Variants in CDH12 observed in about 807,000 individuals in gnomAD.
CDH12 encodes the protein cadherin-12.
In CDH12, 41 loss-of-function variants were observed where a neutral mutation model predicts 74.1. That is an observed-to-expected ratio of 0.55 (90% confidence interval 0.43 to 0.72). The LOEUF (loss-of-function observed/expected upper bound fraction) is 0.72, where lower values mean the gene tolerates loss of function less well. Ranked by LOEUF, CDH12 falls within the 30% of genes least tolerant of loss-of-function variation. The probability of loss-of-function intolerance (pLI) is 0.00; values close to 1 mark genes in which losing one functional copy is unlikely to be tolerated. For missense variants in CDH12, 945 were observed against 977.2 expected (o/e 0.97, Z 0.44); for synonymous variants, 399 against 355.0 (o/e 1.12, Z -1.39).
At chr5:21,802,575 G>A (rs755106196) in intron 9 of CDH12, among the ~76,000 whole-genome samples, 155 bp from the exon 10 acceptor site, 16 of 148,308 alleles carry the variant, frequency 1.1e-4, no homozygotes, top group Non-Finnish European at 2.4e-4. Flanking sequence ...GGCAGCACAA[G>A]GCAAACCATT....
At chr5:21,766,795 T>C (rs1227842581) in intron 11 of CDH12, among the ~76,000 whole-genome samples, 1 of 151,954 alleles carries the variant, frequency 6.6e-6, no homozygotes, top group African/African-American at 2.4e-5. Flanking sequence ...GCTTGCAATG[T>C]ACAAATATTC....
chr5:22,267,759 A>G (rs1248917031), intron 3 of CDH12, among the ~76,000 whole-genome samples: 1 of 152,098 alleles, frequency 6.6e-6, no homozygotes, highest in Non-Finnish European at 1.5e-5. Flanking sequence ...GGTAGTAAGA[A>G]GTGAAGGCTT....
chr5:22,684,796 C>T (rs1741675029), intron 1 of CDH12, among the ~76,000 whole-genome samples: 1 of 152,170 alleles, frequency 6.6e-6, no homozygotes, highest in Non-Finnish European at 1.5e-5. Flanking sequence ...TGTGCATATA[C>T]ACACAGATCA....
chr5:22,219,153 C>T (rs777725583), intron 3 of CDH12, among the ~76,000 whole-genome samples: 2 of 151,696 alleles, frequency 1.3e-5, no homozygotes, highest in Admixed American at 6.6e-5. Flanking sequence ...AAATATTACT[C>T]TAGCCTATCT....
At chr5:22,154,304 G>A (rs1298711330) in intron 4 of CDH12, among the ~76,000 whole-genome samples, 2 of 151,198 alleles carry the variant, frequency 1.3e-5, no homozygotes, top group Non-Finnish European at 2.9e-5. Context: ...ACTAACTATA[G>A]TCACCATGCT....
At chr5:21,907,969 G>C (rs1753713040) in intron 6 of CDH12, among the ~76,000 whole-genome samples, 1 of 152,158 alleles carries the variant, frequency 6.6e-6, no homozygotes, top group African/African-American at 2.4e-5. Flanking sequence ...CATTGCAACT[G>C]ATCCAGCTAT....
chr5:22,536,341 T>C (rs2126712351), intron 1 of CDH12, among the ~76,000 whole-genome samples: 1 of 152,292 alleles, frequency 6.6e-6, no homozygotes, highest in East Asian at 1.9e-4. Context: ...ATAGTAAATG[T>C]AAACAGGTTA....
At chr5:22,489,462 T>C (rs756497612) in intron 2 of CDH12, among the ~76,000 whole-genome samples, 6 of 152,022 alleles carry the variant, frequency 3.9e-5, no homozygotes, top group Non-Finnish European at 4.4e-5. Flanking sequence ...CAACTTTTTA[T>C]TTTGCCATGG....
rs138101474 is a variant in CDH12, at chr5:21,806,135, A to G, written c.1003-3715T>C. ...AAGGGAGGAATTGGGGAAGGGGGGA[A>G]TTTTGCTTCTTTGTTTTTTGCCACT... is the stretch of plus-strand genomic sequence containing the variant. On this transcript the variant is annotated intron_variant, in intron 9 of 14. Coordinates refer to ENST00000382254, the MANE Select transcript of CDH12 (RefSeq NM_004061.5). Among the ~76,000 whole-genome samples the G allele has an allele frequency of 2.4e-4, 36 of 152,220 alleles. 1 individual carries two copies. Among genetic ancestry groups the G allele is most frequent in the African/African-American group, 8.2e-4 (34 of 41,558 alleles).
chr5:22,810,858 G>A (rs964883648), intron 1 of CDH12, among the ~76,000 whole-genome samples: 18 of 151,940 alleles, frequency 1.2e-4, no homozygotes, highest in African/African-American at 4.1e-4. Context: ...CTCCAGCCTG[G>A]GCAACAGAGT....
At chr5:21,883,918 C>G in intron 6 of CDH12, 1 of 1,608,368 alleles carries the variant, frequency 6.2e-7, no homozygotes, top group Non-Finnish European at 8.5e-7. Flanking sequence ...GGGGGTTTTG[C>G]CCTCCTTCGA....
At chr5:21,806,957 A>G (rs985227008) in intron 9 of CDH12, among the ~76,000 whole-genome samples, 1 of 152,192 alleles carries the variant, frequency 6.6e-6, no homozygotes, top group Non-Finnish European at 1.5e-5. Context: ...AAGAAAGTCC[A>G]CAAGATTAGG....
At chr5:21,980,824 T>G (rs10064727) in intron 5 of CDH12, among the ~76,000 whole-genome samples, 4,357 of 152,200 alleles carry the variant, frequency 0.029, 194 homozygotes, top group African/African-American at 0.098. Context: ...CACTGTACAC[T>G]GTTTTGTAAC....
At chr5:21,777,000 C>T (rs1442947054) in intron 11 of CDH12, among the ~76,000 whole-genome samples, 3 of 152,058 alleles carry the variant, frequency 2.0e-5, no homozygotes, top group Admixed American at 6.5e-5. Context: ...TATTACATAT[C>T]ATTTCATTAT....
rs559938539 is a variant in CDH12 at position 21,996,803 on chromosome 5, A to G, written c.232-21418T>C. Reference sequence around the variant, plus strand: ...AATGTGTTACCGCATTTATATGAGGAAAAATTCCACCAGAAAGCATTAGGA... The same window carrying G: ...AATGTGTTACCGCATTTATATGAGGGAAAATTCCACCAGAAAGCATTAGGA... On this transcript the variant is annotated intron_variant, in intron 5 of 14. Coordinates refer to ENST00000382254, the MANE Select transcript of CDH12 (RefSeq NM_004061.5). Among the ~76,000 whole-genome samples, 9 of 152,308 alleles carry G rather than the reference A, an allele frequency of 5.9e-5. No individual in the cohort carries two copies. In the East Asian group the frequency reaches 1.4e-3, roughly 23 times the overall value.
chr5:21,837,018 A>G (rs1749572751), intron 8 of CDH12, among the ~76,000 whole-genome samples: 1 of 151,970 alleles, frequency 6.6e-6, no homozygotes, highest in Non-Finnish European at 1.5e-5. Flanking sequence ...AATTACCATT[A>G]AAGAGGGAGA....
intron 2 of CDH12, among the ~76,000 whole-genome samples, chr5:22,461,779 G>A (rs1274502448): frequency 1.5e-5 from 2 of 137,464 alleles, no homozygotes; most frequent in Non-Finnish European, 3.1e-5. Context: ...TGGTCTCCTG[G>A]GAGATAATTT....
chr5:22,251,748 A>C (rs1195741094), intron 3 of CDH12, among the ~76,000 whole-genome samples: 2 of 152,196 alleles, frequency 1.3e-5, no homozygotes, highest in Non-Finnish European at 2.9e-5. Context: ...AGTGTTGGCT[A>C]TTGGAATTCC....
chr5:22,273,929 A>G (rs191382429), intron 3 of CDH12, among the ~76,000 whole-genome samples: 2 of 152,302 alleles, frequency 1.3e-5, no homozygotes, highest in East Asian at 3.9e-4. Flanking sequence ...CAAGTAGCAT[A>G]ATATAATCAT....
Sources: gnomAD v4.1 joint callset for allele counts (sites outside exome capture counted in the v4.1 genomes callset) on GRCh38, gnomAD v4.1.1 for gene constraint, MANE v1.5 for transcripts, NCBI Gene and HGNC (gene_info 2026-07-23, HGNC 2026-07-21) for gene names.